GAGE10: variants seen among roughly 807,000 people sequenced by gnomAD.
GAGE10 encodes the protein G antigen 10.
In GAGE10, 9 loss-of-function variants were observed where a neutral mutation model predicts 11.5. The ratio of observed to expected loss-of-function variants is 0.78; its 90% CI spans 0.47 to 1.37. The LOEUF is 1.37. Ranked by LOEUF, GAGE10 falls within the 40% of genes most tolerant of loss-of-function variation. The pLI is 0.00. For missense variants in GAGE10, 83 were observed against 92.9 expected (o/e 0.89, Z 0.44); for synonymous variants, 23 against 29.7 (o/e 0.77, Z 0.73).
chrX:49,314,493 A>G (rs1364837501), intron 3 of GAGE10, among the ~76,000 whole-genome samples: 1 of 112,566 alleles, frequency 8.9e-6, no homozygotes, highest in Non-Finnish European at 1.9e-5. Flanking sequence ...TAAGACAAGG[A>G]CATGCAATCC....
chrX:49,309,063 C>T (rs781969763), intron 3 of GAGE10, among the ~76,000 whole-genome samples: 1 of 111,902 alleles, frequency 8.9e-6, no homozygotes, highest in African/African-American at 3.3e-5. Flanking sequence ...ACGTTGTGTA[C>T]AGCTGATAGG....
At chrX:49,312,477 A>G (rs1220006467) in intron 3 of GAGE10, among the ~76,000 whole-genome samples, 2 of 113,213 alleles carry the variant, frequency 1.8e-5, no homozygotes, top group Non-Finnish European at 3.7e-5. Context: ...ATTAGAAGCC[A>G]TATGGGCTCC....
intron 3 of GAGE10, 131 bp from the exon 4 acceptor site, chrX:49,317,032 A>T (rs2066394282): frequency 1.2e-6 from 1 of 850,115 alleles, no homozygotes; most frequent in African/African-American, 2.1e-5. Flanking sequence ...TGTTCATGGG[A>T]TTCTTATCAA....
Position 49,317,212 on chromosome X carries a change from G to T in GAGE10, c.252G>T (p.Gly84=), listed in dbSNP as rs368704784. Residue 84 remains glycine (G), a synonymous_variant, in exon 4 of 5, where the codon GGG becomes GGT. Transcript: ENST00000407599. ...AGGAACAGGTTCACCCAAAGACTGG[G>T]TGTGAGTGTGGAGATGGTCCTGATG... The part of the protein sequence containing the change: ...DSQEQVHPKT[G]CECGDGPDGQ... 1,453 of 1,205,569 alleles carry T rather than the reference G, an allele frequency of 1.2e-3. 2 individuals are homozygous for T. Among genetic ancestry groups the T allele is most frequent in the Non-Finnish European group, 1.5e-3 (1,341 of 892,169 alleles).
At chrX:49,307,348 A>G (rs1557124266) in intron 3 of GAGE10, among the ~76,000 whole-genome samples, 1 of 112,684 alleles carries the variant, frequency 8.9e-6, no homozygotes, top group Admixed American at 9.4e-5. Flanking sequence ...AGAACAAAGA[A>G]AAAGTAATTC....
chrX:49,312,461 G>T lies in GAGE10; in HGVS notation c.203-4702G>T, dbSNP rs782051081. Among the ~76,000 whole-genome samples the T allele has an allele frequency of 3.5e-3, 392 of 113,017 alleles. 2 individuals are homozygous for T. Among genetic ancestry groups the T allele is most frequent in the African/African-American group, 0.012 (373 of 31,144 alleles). On this transcript the variant is annotated intron_variant, in intron 3 of 4. Coordinates refer to ENST00000407599, the MANE Select transcript of GAGE10 (RefSeq NM_001098413.4). Reference sequence around the variant, plus strand: ...AAATAAAAAATAAAGAGGAAATTTTGCAATTATTAGAAGCCATATGGGCTC... The same window carrying T: ...AAATAAAAAATAAAGAGGAAATTTTTCAATTATTAGAAGCCATATGGGCTC...
At position 49,317,270 on chromosome X, in the gene GAGE10, G is replaced by A. The variant is rs782606725; in HGVS notation, c.310G>A (p.Val104Met). ...GATGGGCCTGCCAAATCCAGAGGAG[G>A]TGAAAAGGCCTGAAGAAGGTAGGGA... ...QEMGLPNPEE[V>M]KRPEEGEKQS... The change falls in exon 4 of 5, where the codon GTG becomes ATG. Residue 104 changes from valine (V) to methionine (M), a missense_variant. By Grantham distance (21) the Val-to-Met change is conservative. Transcript: ENST00000407599. The A allele has an allele frequency of 3.3e-6, 4 of 1,205,259 alleles. No individual in the cohort carries two copies. The highest frequency in any genetic ancestry group is 4.4e-5 in the Admixed American group (2 of 45,569).
intron 3 of GAGE10, among the ~76,000 whole-genome samples, chrX:49,314,467 C>T (rs1452912992): frequency 4.4e-5 from 5 of 112,420 alleles, no homozygotes; most frequent in Admixed American, 2.8e-4. Flanking sequence ...AGGAGTATGT[C>T]AACCAAACCA....
intron 3 of GAGE10, among the ~76,000 whole-genome samples, chrX:49,310,559 A>G (rs1288845260): frequency 3.6e-5 from 4 of 111,708 alleles, no homozygotes; most frequent in African/African-American, 1.3e-4. Context: ...TTCGGTTGCT[A>G]GTTGTGGTGC....
rs190325833 is a variant in GAGE10 at position 49,306,543 on chromosome X, G to A, written c.202+1019G>A. 1.9e-3 allele frequency among the ~76,000 whole-genome samples: 210 copies of A among 111,997 alleles called. 1 individual carries two copies. Among genetic ancestry groups the A allele is most frequent in the African/African-American group, 6.5e-3 (202 of 30,843 alleles). On this transcript the variant is annotated intron_variant, in intron 3 of 4. Transcript: ENST00000407599. The stretch of plus-strand genomic sequence containing the variant: ...AGTCCTCAAATCCATTCAGCTAATC[G>A]ATCCTTCAGAAATTGACATTGTAAT...
At chrX:49,306,858 G>T (rs2066359000) in intron 3 of GAGE10, among the ~76,000 whole-genome samples, 1 of 109,063 alleles carries the variant, frequency 9.2e-6, no homozygotes, top group Non-Finnish European at 1.9e-5. Context: ...CAAACAAACA[G>T]ATAACTAAAG....
At chrX:49,318,880 A>G (rs879950500) in intron 4 of GAGE10, among the ~76,000 whole-genome samples, 694 of 92,035 alleles carry the variant, frequency 7.5e-3, no homozygotes, top group Middle Eastern at 0.018. Context: ...CCATGTCCCT[A>G]CAAAGGACAT....
rs144608140 is a variant in GAGE10 at position 49,308,908 on chromosome X, G to T, written c.202+3384G>T. Reference sequence around the variant, plus strand: ...GGAGAGGCCCGTTTTGTCCGATGAGGAGTCCTGGGGCAGGGGACATGTGTG... The same window carrying T: ...GGAGAGGCCCGTTTTGTCCGATGAGTAGTCCTGGGGCAGGGGACATGTGTG... On this transcript the variant is annotated intron_variant, in intron 3 of 4. Transcript: ENST00000407599. Among the ~76,000 whole-genome samples the T allele has an allele frequency of 8.9e-5, 10 of 112,193 alleles. No individual in the cohort carries two copies. In the East Asian group the frequency reaches 2.8e-3, roughly 31 times the overall value.
chrX:49,306,785 GT>G (rs782148034), intron 3 of GAGE10, among the ~76,000 whole-genome samples: 1 of 111,384 alleles, frequency 9.0e-6, no homozygotes, highest in African/African-American at 3.3e-5. Context: ...GAGCCCTGGA[GT>G]TGAAGCCCAG....
At chrX:49,317,671 C>G (rs1218775427) in intron 4 of GAGE10, among the ~76,000 whole-genome samples, 1 of 111,644 alleles carries the variant, frequency 9.0e-6, no homozygotes, top group South Asian at 3.8e-4. Context: ...TTTAATAACA[C>G]AGGTAACAAT....
chrX:49,307,939 G>A (rs2066363185), intron 3 of GAGE10, among the ~76,000 whole-genome samples: 1 of 112,169 alleles, frequency 8.9e-6, no homozygotes, highest in Non-Finnish European at 1.9e-5. Flanking sequence ...CTCCCTTTCC[G>A]AGGCATTGTG....
At chrX:49,310,862 G>A (rs781923441) in intron 3 of GAGE10, among the ~76,000 whole-genome samples, 5 of 111,601 alleles carry the variant, frequency 4.5e-5, no homozygotes, top group Middle Eastern at 9.2e-3. Context: ...AAGAAGTGCA[G>A]CATGAGTTTC....
At chrX:49,316,531 C>T (rs1458543889) in intron 3 of GAGE10, among the ~76,000 whole-genome samples, 2 of 111,218 alleles carry the variant, frequency 1.8e-5, no homozygotes, top group Admixed American at 9.6e-5. Flanking sequence ...TTAATTATCC[C>T]GCAGAAGTGA....
intron 3 of GAGE10, 34 bp from the exon 4 acceptor site, chrX:49,317,129 C>T: frequency 8.6e-7 from 1 of 1,166,628 alleles, no homozygotes; most frequent in South Asian, 1.8e-5. Context: ...TCATGTTTTA[C>T]TGCTTAAATT....
Sources: allele counts gnomAD v4.1 joint callset (sites outside exome capture counted in the v4.1 genomes callset), GRCh38; gene constraint gnomAD v4.1.1; transcripts MANE v1.5; gene names NCBI Gene and HGNC (gene_info 2026-07-23, HGNC 2026-07-21).